Variants in SSPN observed in about 807,000 individuals in gnomAD.
SSPN encodes sarcospan.
A neutral mutation model predicts 19.1 loss-of-function variants in SSPN; 15 were observed. The observed-to-expected ratio is 0.78, with a 90% CI of 0.52 to 1.21. The LOEUF (loss-of-function observed/expected upper bound fraction) is 1.21. Ranked by LOEUF, SSPN falls within the 50% of genes most tolerant of loss-of-function variation. SSPN has a pLI of 0.00. For synonymous variants in SSPN, 147 were observed against 140.3 expected (o/e 1.05, Z -0.34); for missense variants, 291 against 314.0 (o/e 0.93, Z 0.55).
At position 26,206,863 on chromosome 12, in the gene SSPN, T is replaced by G. The variant is rs188849511; in HGVS notation, c.279+10912T>G. Among the ~76,000 whole-genome samples, 562 of 152,328 alleles carry G rather than the reference T, an allele frequency of 3.7e-3. 5 individuals are homozygous for G. The highest frequency in any genetic ancestry group is 0.013 in the African/African-American group (520 of 41,572). On this transcript the variant is annotated intron_variant, in intron 1 of 2. Coordinates refer to ENST00000242729, the MANE Select transcript of SSPN (RefSeq NM_005086.5). ...ATAGAACTTGGTGATTAGTTTTTGG[T>G]AAGTCATCACAAGAGTTAGTTAGGA...
intron 1 of SSPN, chr12:26,124,254 C>CACT: frequency 2.0e-6 from 1 of 496,990 alleles, no homozygotes; most frequent in Non-Finnish European, 3.5e-6. Context: ...CCCTCGTCTG[C>CACT]CCCCCCCGCC....
Position 26,234,742 on chromosome 12 carries a change from T to A in SSPN, c.*3666T>A, listed in dbSNP as rs1439802878. On this transcript the variant is annotated 3_prime_UTR_variant, in exon 3 of 3. Transcript: ENST00000242729. ...TAAAGGGGATATGTGTAATGCAGAT[T>A]TTCTTTATTAATAAAATTTTCATAA... 1.3e-5 allele frequency: 2 copies of A among 152,240 alleles called. No homozygotes were observed. The highest frequency in any genetic ancestry group is 4.8e-5 in the African/African-American group (2 of 41,464). The allele number at this position is 152,240 out of a possible 1,614,324, so 9.4% of individuals were successfully genotyped here. A position where few individuals can be genotyped will look rare whatever the true frequency, so the allele number is the denominator to read the frequency against.
intron 1 of SSPN, among the ~76,000 whole-genome samples, chr12:26,149,258 C>T (rs1245551676): frequency 6.6e-6 from 1 of 151,380 alleles, no homozygotes; most frequent in East Asian, 1.9e-4. Context: ...ATTAGAAATG[C>T]TTAATTCCTT....
chr12:26,129,757 G>C (rs890166021), intron 1 of SSPN, among the ~76,000 whole-genome samples: 1 of 152,194 alleles, frequency 6.6e-6, no homozygotes, highest in African/African-American at 2.4e-5. Flanking sequence ...CACTGCTCAA[G>C]AAGTTTATGC....
At chr12:26,221,783 T>C (rs1945124773) in intron 1 of SSPN, among the ~76,000 whole-genome samples, 1 of 152,206 alleles carries the variant, frequency 6.6e-6, no homozygotes, top group Non-Finnish European at 1.5e-5. Context: ...AGCCTGACCC[T>C]GTGCACCTAC....
At chr12:26,140,281 C>T (rs1944451590) in intron 1 of SSPN, among the ~76,000 whole-genome samples, 2 of 152,212 alleles carry the variant, frequency 1.3e-5, no homozygotes, top group Non-Finnish European at 2.9e-5. Flanking sequence ...CAGTCAATGA[C>T]ACTACCATGT....
chr12:26,195,641 G>GCGGGGGGGGCCCCCCCCCCC lies in SSPN; in HGVS notation c.-31_-30insGGGGGGGGCCCCCCCCCCCC. 9.0e-7 allele frequency: 1 copy of GCGGGGGGGGCCCCCCCCCCC among 1,105,400 alleles called. No individual in the cohort carries two copies. The highest frequency in any genetic ancestry group is 1.1e-6 in the Non-Finnish European group (1 of 878,118). The allele number at this position is 1,105,400 out of a possible 1,614,324, so 68.5% of individuals were successfully genotyped here. On this transcript the variant is annotated 5_prime_UTR_variant, in exon 1 of 3. Transcript: ENST00000242729. The stretch of plus-strand genomic sequence containing the variant: ...CTCCAGGGCCCAGGGCGCCGCACAC[G>GCGGGGGGGGCCCCCCCCCCC]CACCCACCCACCCACCCAGCCTCGC...
intron 1 of SSPN, chr12:26,124,530 C>A (rs1398499422): frequency 1.2e-6 from 2 of 1,614,116 alleles, no homozygotes; most frequent in Non-Finnish European, 1.7e-6. Context: ...TTGGTGTCGT[C>A]TCGTTTCATG....
chr12:26,122,169 G>A (rs563509667), intron 1 of SSPN: 4 of 1,508,688 alleles, frequency 2.7e-6, no homozygotes, highest in Non-Finnish European at 2.7e-6. Flanking sequence ...GCGGCCGTGC[G>A]GGTGCTGGGG....
chr12:26,200,578 T>C, intron 1 of SSPN, among the ~76,000 whole-genome samples: 1 of 152,304 alleles, frequency 6.6e-6, no homozygotes, highest in Admixed American at 6.5e-5. Flanking sequence ...CTAAATGGTT[T>C]GATCATGGTT....
chr12:26,123,232 G>A, intron 1 of SSPN: 9 of 1,504,186 alleles, frequency 6.0e-6, no homozygotes, highest in East Asian at 4.6e-5. Flanking sequence ...ACATACCCAC[G>A]TTAAAACATC....
At chr12:26,125,494 T>G (rs1468154639) in intron 1 of SSPN, 2 of 156,610 alleles carry the variant, frequency 1.3e-5, no homozygotes, top group East Asian at 1.9e-4. Context: ...TTTTGGAGAC[T>G]TGTTTGCTCA....
At chr12:26,124,061 G>A (rs756068658) in intron 1 of SSPN, 5 of 1,547,838 alleles carry the variant, frequency 3.2e-6, no homozygotes, top group East Asian at 2.2e-5. Context: ...GAATGAAAAT[G>A]TGCATCTTAC....
Position 26,231,269 on chromosome 12 carries a change from C to A in SSPN, c.*193C>A. 1 of 870,414 alleles carries A rather than the reference C, an allele frequency of 1.1e-6. No individual in the cohort carries two copies. The highest frequency in any genetic ancestry group is 2.4e-5 in the South Asian group (1 of 42,194). The allele number at this position is 870,414 out of a possible 1,614,324, so 53.9% of individuals were successfully genotyped here. A position where few individuals can be genotyped will look rare whatever the true frequency, so the allele number is the denominator to read the frequency against. On this transcript the variant is annotated 3_prime_UTR_variant, in exon 3 of 3. Transcript: ENST00000242729. Reference sequence around the variant, plus strand: ...TATTGTATTTTTTTTAACATTCTTGCAGAGAAAGCAAGATCCAAATTGATT... The same window carrying A: ...TATTGTATTTTTTTTAACATTCTTGAAGAGAAAGCAAGATCCAAATTGATT...
intron 1 of SSPN, among the ~76,000 whole-genome samples, chr12:26,206,569 A>G (rs893322412): frequency 1.3e-5 from 2 of 152,226 alleles, no homozygotes; most frequent in Non-Finnish European, 2.9e-5. Context: ...TAATTTGAGA[A>G]CTGACTTAAT....
intron 1 of SSPN, among the ~76,000 whole-genome samples, chr12:26,184,660 A>T (rs1405807988): frequency 6.6e-6 from 1 of 152,180 alleles, no homozygotes; most frequent in African/African-American, 2.4e-5. Context: ...AGTGGTCTAT[A>T]TAGTCAATAT....
At chr12:26,124,686 G>A (rs1944347336) in intron 1 of SSPN, 1 of 1,613,560 alleles carries the variant, frequency 6.2e-7, no homozygotes, top group Non-Finnish European at 8.5e-7. Context: ...CCAAAGCCTA[G>A]ACAGATATTC....
intron 1 of SSPN, among the ~76,000 whole-genome samples, chr12:26,138,288 G>A (rs1049780511): frequency 4.6e-5 from 7 of 152,194 alleles, no homozygotes; most frequent in African/African-American, 1.4e-4. Flanking sequence ...AGGGCCAACT[G>A]TATTTAAAGA....
upstream of SSPN, chr12:26,195,434 C>T (rs948108522): frequency 5.5e-5 from 36 of 651,614 alleles, no homozygotes; most frequent in East Asian, 9.6e-4. Flanking sequence ...AAATCCTGCC[C>T]GGGGCCCGGC....
Sources: allele counts gnomAD v4.1 joint callset (sites outside exome capture counted in the v4.1 genomes callset), GRCh38; gene constraint gnomAD v4.1.1; transcripts MANE v1.5; gene names NCBI Gene and HGNC (gene_info 2026-07-23, HGNC 2026-07-21).